TAOK3: variants seen among roughly 807,000 people sequenced by gnomAD.
The protein encoded by TAOK3 is serine/threonine-protein kinase TAO3.
TAOK3 carries 40 observed loss-of-function variants against 120.4 expected under a neutral mutation model. The observed-to-expected ratio is 0.33, with a 90% CI of 0.26 to 0.43. TAOK3 has a LOEUF of 0.43. Ranked by LOEUF, TAOK3 falls within the 20% of genes least tolerant of loss-of-function variation. The pLI, the probability that TAOK3 is intolerant of heterozygous loss-of-function variation, is 1.00. For synonymous variants in TAOK3, 355 were observed against 387.5 expected (o/e 0.92, Z 0.99); for missense variants, 821 against 1,112.1 (o/e 0.74, Z 3.72).
rs775184605 is a variant in TAOK3, at chr12:118,160,274, A to G, written c.2224T>C (p.Leu742=). Residue 742 remains leucine, a synonymous_variant, in exon 19 of 21, where the codon TTG becomes CTG. Coordinates refer to ENST00000392533, the MANE Select transcript of TAOK3 (RefSeq NM_016281.4). The surrounding 1 kb of genome is among the most constrained non-coding windows in gnomAD (Gnocchi z 4.2). The part of the protein sequence containing the change: ...KQYKALKNHQ[L]EVTPKNEHKT... Reference sequence around the variant, plus strand: ...TGCTCATTCTTTGGAGTAACTTCCAACTGGTGATTCTTGAGTGCTTTATAC... The same window carrying G: ...TGCTCATTCTTTGGAGTAACTTCCAGCTGGTGATTCTTGAGTGCTTTATAC... 1.4e-5 allele frequency: 23 copies of G among 1,614,156 alleles called. 1 individual carries two copies. In the South Asian group the frequency reaches 2.4e-4, roughly 17 times the overall value.
intron 1 of TAOK3, among the ~76,000 whole-genome samples, chr12:118,358,321 T>G (rs1300670907): frequency 1.3e-5 from 2 of 152,216 alleles, no homozygotes; most frequent in East Asian, 3.8e-4. Context: ...TTTAAAAAGT[T>G]ACAAAACAAA....
At position 118,342,952 on chromosome 12, in the gene TAOK3, AAAAAAAG is replaced by A. The variant is rs1278584729; in HGVS notation, c.-194+29689_-194+29695del. Among the ~76,000 whole-genome samples the A allele has an allele frequency of 9.0e-3, 1,349 of 149,082 alleles. 12 individuals carry two copies. Among genetic ancestry groups the A allele is most frequent in the African/African-American group, 0.032 (1,244 of 39,330 alleles). On this transcript the variant is annotated intron_variant, in intron 1 of 20. Coordinates refer to ENST00000392533, the MANE Select transcript of TAOK3 (RefSeq NM_016281.4). The stretch of plus-strand genomic sequence containing the variant: ...CTGTCTGCTAAAAAAAAAAAAAAAA[AAAAAAAG>A]AGAGAGAGAGAGAGAGAGAAATGAA...
At chr12:118,352,861 C>T (rs1227971089) in intron 1 of TAOK3, among the ~76,000 whole-genome samples, 2 of 152,098 alleles carry the variant, frequency 1.3e-5, no homozygotes, top group Admixed American at 6.6e-5. Context: ...CAGGTGTGTG[C>T]CACCATGCCT....
At chr12:118,339,510 G>C (rs986076228) in intron 1 of TAOK3, among the ~76,000 whole-genome samples, 18 of 151,418 alleles carry the variant, frequency 1.2e-4, no homozygotes, top group African/African-American at 3.9e-4. Context: ...CTTTAAATCT[G>C]TGTAATGAAT....
intron 14 of TAOK3, among the ~76,000 whole-genome samples, chr12:118,182,905 T>C (rs1282216634): frequency 1.3e-5 from 2 of 152,120 alleles, no homozygotes; most frequent in Non-Finnish European, 2.9e-5. Flanking sequence ...ATCCAACAAA[T>C]TAAAGCTTGT....
intron 9 of TAOK3, among the ~76,000 whole-genome samples, chr12:118,220,402 A>C (rs146596333): frequency 1.3e-4 from 20 of 152,260 alleles, no homozygotes; most frequent in Non-Finnish European, 2.5e-4. Flanking sequence ...CAAACAAAGA[A>C]TCTTTGTTCA....
intron 17 of TAOK3, among the ~76,000 whole-genome samples, chr12:118,164,819 T>A (rs1565878889): frequency 6.6e-6 from 1 of 152,206 alleles, no homozygotes; most frequent in Admixed American, 6.5e-5. Flanking sequence ...ATATCATCGA[T>A]AACATTTTTA....
chr12:118,372,826 C>T lies in TAOK3; in HGVS notation c.-372G>A, dbSNP rs1431772431. The T allele has an allele frequency of 6.5e-6, 1 of 153,500 alleles. No homozygotes were observed. The highest frequency in any genetic ancestry group is 1.5e-5 in the Non-Finnish European group (1 of 68,950). The allele number at this position is 153,500 out of a possible 1,614,324, so 9.5% of individuals were successfully genotyped here. A position where few individuals can be genotyped will look rare whatever the true frequency, so the allele number is the denominator to read the frequency against. ...CGCGGTCTCGGCGTTGCGTCCCACT[C>T]TCCACGCAGGACCCCGCCGCCCGGC... On this transcript the variant is annotated 5_prime_UTR_variant, in exon 1 of 21. Coordinates refer to ENST00000392533, the MANE Select transcript of TAOK3 (RefSeq NM_016281.4). The surrounding 1 kb of genome is among the most constrained non-coding windows in gnomAD (Gnocchi z 4.6).
rs763473530 is a variant in TAOK3, at chr12:118,234,212, A to ATTTTTTTT, written c.552-455_552-448dup. On this transcript the variant is annotated intron_variant, in intron 8 of 20. Transcript: ENST00000392533. ...TTAAAGTAATTAAATAAAGCAGGAA[A>ATTTTTTTT]TTTTTTTTTTTTTTTTTTTTTTTTT... 1.9e-3 allele frequency among the ~76,000 whole-genome samples: 108 copies of ATTTTTTTT among 58,334 alleles called. 20 individuals are homozygous for ATTTTTTTT. Among genetic ancestry groups the ATTTTTTTT allele is most frequent in the South Asian group, 4.7e-3 (5 of 1,074 alleles). 38.3% of individuals were successfully genotyped at this position (58,334 alleles called of 152,430 possible).
chr12:118,163,601 C>A (rs1374078599), intron 17 of TAOK3, among the ~76,000 whole-genome samples: 3 of 144,980 alleles, frequency 2.1e-5, no homozygotes, highest in African/African-American at 5.1e-5. Context: ...ATAAGTTTTA[C>A]GTCCAAATTA....
At chr12:118,344,962 A>G (rs2044792914) in intron 1 of TAOK3, among the ~76,000 whole-genome samples, 1 of 152,080 alleles carries the variant, frequency 6.6e-6, no homozygotes, top group East Asian at 1.9e-4. Context: ...TGTCAATGCT[A>G]ATTAGAACCT....
chr12:118,179,804 C>T (rs940888675), intron 15 of TAOK3, among the ~76,000 whole-genome samples: 7 of 151,822 alleles, frequency 4.6e-5, no homozygotes, highest in Non-Finnish European at 7.4e-5. Flanking sequence ...GCCACCATGC[C>T]CAGCTAATTT....
At chr12:118,324,994 C>A (rs1376678829) in intron 1 of TAOK3, among the ~76,000 whole-genome samples, 1 of 152,042 alleles carries the variant, frequency 6.6e-6, no homozygotes, top group African/African-American at 2.4e-5. Flanking sequence ...GATCCGCCCG[C>A]CTCGGCCTCC....
Position 118,264,830 on chromosome 12 carries a change from T to C in TAOK3, c.-89+1825A>G, listed in dbSNP as rs146389274. On this transcript the variant is annotated intron_variant, in intron 2 of 20. Transcript: ENST00000392533. ...AGGCAGATCATTTGAGGTCAGGAGT[T>C]CGAGACCAGCCTTGCCAACATGGTG... 3.7e-4 allele frequency among the ~76,000 whole-genome samples: 57 copies of C among 152,178 alleles called. No homozygotes were observed. The East Asian group carries it at 0.011, about 29-fold the overall frequency.
chr12:118,255,352 C>T, intron 3 of TAOK3, 96 bp downstream of exon 3: 1 of 1,390,128 alleles, frequency 7.2e-7, no homozygotes, highest in African/African-American at 1.4e-5. Flanking sequence ...CTTGGCCTTG[C>T]AAAGTGCTAG....
At chr12:118,281,724 C>T (rs1033778730) in intron 1 of TAOK3, among the ~76,000 whole-genome samples, 5 of 151,068 alleles carry the variant, frequency 3.3e-5, no homozygotes, top group African/African-American at 1.2e-4. Flanking sequence ...TGTACTCCAG[C>T]CTGGGCAACA....
intron 14 of TAOK3, among the ~76,000 whole-genome samples, chr12:118,187,652 A>T (rs1365552312): frequency 6.6e-6 from 1 of 152,114 alleles, no homozygotes; most frequent in Admixed American, 6.6e-5. Context: ...ACTCTGGTAA[A>T]CTACCATCAA....
chr12:118,334,644 G>A (rs2044286955), intron 1 of TAOK3, among the ~76,000 whole-genome samples: 1 of 152,176 alleles, frequency 6.6e-6, no homozygotes, highest in African/African-American at 2.4e-5. Flanking sequence ...GGGAGGCTGA[G>A]GTGGGCAGAT....
At chr12:118,225,171 C>G (rs1038905320) in intron 9 of TAOK3, among the ~76,000 whole-genome samples, 21 of 149,124 alleles carry the variant, frequency 1.4e-4, no homozygotes, top group African/African-American at 4.9e-4. Flanking sequence ...TCACTTGAGT[C>G]CAGGGGGTGG....
Sources: allele counts gnomAD v4.1 joint callset (sites outside exome capture counted in the v4.1 genomes callset), GRCh38; gene constraint gnomAD v4.1.1; non-coding constraint Gnocchi (gnomAD v3.1); transcripts MANE v1.5; gene names NCBI Gene and HGNC (gene_info 2026-07-23, HGNC 2026-07-21).